ASPA: variants seen among roughly 807,000 people sequenced by gnomAD.
The protein encoded by ASPA is aspartoacylase.
In ASPA, 25 loss-of-function variants were observed where a neutral mutation model predicts 29.6. The observed-to-expected ratio is 0.85, with a 90% CI of 0.62 to 1.18. ASPA has a LOEUF of 1.18. Among genes scored for constraint, ASPA ranks in the 50% most tolerant of loss-of-function variants. The probability of loss-of-function intolerance (pLI) is 0.00; values close to 1 mark genes in which losing one functional copy is unlikely to be tolerated. For missense variants in ASPA, 333 were observed against 385.7 expected (o/e 0.86, Z 1.14); for synonymous variants, 131 against 130.3 (o/e 1.01, Z -0.04).
Position 3,502,334 on chromosome 17 carries a change from G to C in ASPA, c.*3246G>C, listed in dbSNP as rs972380670. ...CGTACTGGAAAATCAAAAAATATGTGTGGCTCATCTGTTATAATGTTTGTT... is the reference window on the plus strand; with the variant it reads ...CGTACTGGAAAATCAAAAAATATGTCTGGCTCATCTGTTATAATGTTTGTT... On this transcript the variant is annotated 3_prime_UTR_variant, in exon 6 of 6. Transcript: ENST00000263080. The C allele has an allele frequency of 1.3e-5, 2 of 152,236 alleles. No homozygotes were observed. The highest frequency in any genetic ancestry group is 4.8e-5 in the African/African-American group (2 of 41,456). 9.4% of individuals were successfully genotyped at this position (152,236 alleles called of 1,614,324 possible). A position where few individuals can be genotyped will look rare whatever the true frequency, so the allele number is the denominator to read the frequency against.
chr17:3,489,342 GGTAA>G lies in ASPA; in HGVS notation c.634+5_634+8del, dbSNP rs778693280. On this transcript the variant is annotated splice_donor_variant and splice_donor_region_variant and intron_variant, in intron 4 of 5. Transcript: ENST00000263080. LOFTEE classifies it high-confidence loss of function. Reference sequence around the variant, plus strand: ...TGATTTTATACATCATTTCAATGAAGGTAAGTAATAATGAAGGTAACGTTATCAA... The same window carrying G: ...TGATTTTATACATCATTTCAATGAAGGTAATAATGAAGGTAACGTTATCAA... 1.0e-5 allele frequency: 16 copies of G among 1,590,038 alleles called. No homozygotes were observed. Among genetic ancestry groups the G allele is most frequent in the Middle Eastern group, 3.4e-4 (2 of 5,932 alleles).
rs104894552 is a variant in ASPA at position 3,498,892 on chromosome 17, A to T, written c.746A>T (p.Asp249Val). The part of the protein sequence containing the change: ...IAAIIHPNLQ[D>V]QDWKPLHPGD... ...TTTATTTTGATTGTTTCCTGAGAGG[A>T]TCAAGACTGGAAACCACTGCATCCT... The change falls in exon 6 of 6, where the codon GAT (aspartate) becomes GTT (valine). Residue 249 changes from aspartate (D) to valine (V), a missense_variant and splice_region_variant. Coordinates refer to ENST00000263080, the MANE Select transcript of ASPA (RefSeq NM_000049.4). 29 of 1,576,364 alleles carry T rather than the reference A, an allele frequency of 1.8e-5. No individual in the cohort carries two copies. Among genetic ancestry groups the T allele is most frequent in the Non-Finnish European group, 1.8e-5 (21 of 1,162,938 alleles).
intron 5 of ASPA, among the ~76,000 whole-genome samples, chr17:3,497,416 A>C (rs752393819): frequency 2.6e-5 from 4 of 152,228 alleles, no homozygotes; most frequent in Non-Finnish European, 4.4e-5. Flanking sequence ...GGCTGAAAGA[A>C]GCACGTATCC....
Position 3,481,669 on chromosome 17 carries a change from T to C in ASPA, c.303T>C (p.Gly101=), listed in dbSNP as rs999563868. The C allele has an allele frequency of 1.9e-6, 3 of 1,613,916 alleles. No homozygotes were observed. The highest frequency in any genetic ancestry group is 2.5e-6 in the Non-Finnish European group (3 of 1,179,928). ...RRAQEINHLF[G]PKDSEDSYDI... is the part of the protein sequence containing the mutation. ...CTCAAGAAATAAATCATTTATTTGGTCCAAAAGACAGTGAAGATTCCTATG... is the reference window on the plus strand; with the variant it reads ...CTCAAGAAATAAATCATTTATTTGGCCCAAAAGACAGTGAAGATTCCTATG... The change falls in exon 2 of 6, where the codon GGT becomes GGC. Residue 101 remains glycine (G), a synonymous_variant. Transcript: ENST00000263080.
chr17:3,499,285 T>C lies in ASPA; in HGVS notation c.*197T>C. 1 of 492,542 alleles carries C rather than the reference T, an allele frequency of 2.0e-6. No homozygotes were observed. The highest frequency in any genetic ancestry group is 3.5e-6 in the Non-Finnish European group (1 of 285,536). The allele number at this position is 492,542 out of a possible 1,614,324, so 30.5% of individuals were successfully genotyped here. A position where few individuals can be genotyped will look rare whatever the true frequency, so the allele number is the denominator to read the frequency against. On this transcript the variant is annotated 3_prime_UTR_variant, in exon 6 of 6. Coordinates refer to ENST00000263080, the MANE Select transcript of ASPA (RefSeq NM_000049.4). ...TATCATATTTTATGTATGTAGCTTA[T>C]TCAAAGAAGTGTTTCCTATTTCTAT...
chr17:3,476,116 C>G lies in ASPA; in HGVS notation c.-44C>G. 1.3e-6 allele frequency: 2 copies of G among 1,557,642 alleles called. No individual in the cohort carries two copies. Among genetic ancestry groups the G allele is most frequent in the Non-Finnish European group, 1.8e-6 (2 of 1,130,886 alleles). On this transcript the variant is annotated 5_prime_UTR_variant, in exon 1 of 6. In the 5' UTR this introduces an upstream ATG that the reference lacks. Coordinates refer to ENST00000263080, the MANE Select transcript of ASPA (RefSeq NM_000049.4). ...TTAAGAAAATCGAATTTCCTTTGAT[C>G]TCTCTTCTGAATTGCAGAAATCAGA...
intron 1 of ASPA, among the ~76,000 whole-genome samples, chr17:3,478,825 C>T (rs2073578474): frequency 6.6e-6 from 1 of 152,260 alleles, no homozygotes; most frequent in African/African-American, 2.4e-5. Flanking sequence ...CATTATCCAC[C>T]AAGTCCCCTG....
chr17:3,494,352 A>AAAG lies in ASPA; in HGVS notation c.640_642dup (p.Glu214dup). On this transcript the variant is annotated inframe_insertion, in exon 5 of 6. Transcript: ENST00000263080. Reference sequence around the variant, plus strand: ...GATACATATTGTTTTTGTCATAGGAAAAGAATTTCCTCCCTGCGCCATTGA... The same window carrying AAAG: ...GATACATATTGTTTTTGTCATAGGAAAAGAAGAATTTCCTCCCTGCGCCATTGA... 6.2e-7 allele frequency: 1 copy of AAAG among 1,605,668 alleles called. No individual in the cohort carries two copies. Among genetic ancestry groups the AAAG allele is most frequent in the Non-Finnish European group, 8.5e-7 (1 of 1,172,318 alleles).
At position 3,483,585 on chromosome 17, in the gene ASPA, T is replaced by G; in HGVS notation, c.519T>G (p.Tyr173Ter). The change falls in exon 3 of 6, where the codon TAT becomes TAG. Residue 173 changes from tyrosine to a stop codon, truncating the protein, a stop_gained. Coordinates refer to ENST00000263080, the MANE Select transcript of ASPA (RefSeq NM_000049.4). LOFTEE classifies it high-confidence loss of function. ...CGACCACTCGTTCCATAGCCAAGTATCCTGTGGGTAAGTCATAGTTCCCAC... is the reference window on the plus strand; with the variant it reads ...CGACCACTCGTTCCATAGCCAAGTAGCCTGTGGGTAAGTCATAGTTCCCAC... ...KYATTRSIAK[Y>*]PVGIEVGPQP... 1 of 1,612,322 alleles carries G rather than the reference T, an allele frequency of 6.2e-7. No homozygotes were observed. The highest frequency in any genetic ancestry group is 1.1e-5 in the South Asian group (1 of 91,058).
At position 3,476,402 on chromosome 17, in the gene ASPA, C is replaced by G. The variant is rs1162798110; in HGVS notation, c.236+7C>G. The G allele has an allele frequency of 6.2e-7, 1 of 1,611,554 alleles. No individual in the cohort carries two copies. Among genetic ancestry groups the G allele is most frequent in the South Asian group, 1.1e-5 (1 of 91,028 alleles). ...TTGACCTTGAAAATCTTGGGTAAGA[C>G]TATGCTTTGTATTGTATATGTATGT... On this transcript the variant is annotated splice_region_variant and intron_variant, in intron 1 of 5. Coordinates refer to ENST00000263080, the MANE Select transcript of ASPA (RefSeq NM_000049.4).
In ASPA at chr17:3,485,955, G is replaced by A. The variant is rs971415191; in HGVS notation, c.526+2363G>A. Among the ~76,000 whole-genome samples the A allele has an allele frequency of 1.4e-5, 2 of 144,654 alleles. No homozygotes were observed. Among genetic ancestry groups the A allele is most frequent in the East Asian group, 2.1e-4 (1 of 4,720 alleles). The allele number at this position is 144,654 out of a possible 152,430, so 94.9% of individuals were successfully genotyped here. The stretch of plus-strand genomic sequence containing the variant: ...GAACCTTTTTTTTTTTTTTTGAGAC[G>A]GAGTTTCGCTCTTGTTGCCAAGGCT... On this transcript the variant is annotated intron_variant, in intron 3 of 5. Coordinates refer to ENST00000263080, the MANE Select transcript of ASPA (RefSeq NM_000049.4). The surrounding 1 kb of genome is among the most constrained non-coding windows in gnomAD (Gnocchi z 4.4).
intron 2 of ASPA, among the ~76,000 whole-genome samples, chr17:3,483,133 ATTGT>A (rs2073662925): frequency 6.6e-6 from 1 of 152,090 alleles, no homozygotes; most frequent in Non-Finnish European, 1.5e-5. Context: ...TAGAAACAGA[ATTGT>A]TTAAGAGACC....
rs181347986 is a variant in ASPA, at chr17:3,481,697, A to C, written c.331A>C (p.Ile111Leu). The change falls in exon 2 of 6, where the codon ATT (isoleucine) becomes CTT (leucine). Residue 111 changes from isoleucine to leucine, a missense_variant. By Grantham distance (5) the Ile-to-Leu change is conservative. Coordinates refer to ENST00000263080, the MANE Select transcript of ASPA (RefSeq NM_000049.4). ...AAAAGACAGTGAAGATTCCTATGAC[A>C]TTATTTTTGACCTTCACAACACCAC... ...GPKDSEDSYDIIFDLHNTTSN... is the reference protein window; with the variant it reads ...GPKDSEDSYDLIFDLHNTTSN... 1.5e-5 allele frequency: 25 copies of C among 1,613,886 alleles called. No homozygotes were observed. The highest frequency in any genetic ancestry group is 2.1e-5 in the Non-Finnish European group (25 of 1,179,870).
At position 3,499,341 on chromosome 17, in the gene ASPA, T is replaced by C; in HGVS notation, c.*253T>C. 3.2e-6 allele frequency: 1 copy of C among 311,026 alleles called. No homozygotes were observed. Among genetic ancestry groups the C allele is most frequent in the Non-Finnish European group, 5.8e-6 (1 of 172,592 alleles). The allele number at this position is 311,026 out of a possible 1,614,324, so 19.3% of individuals were successfully genotyped here. ...TTATTATACATGATACTTGGGTAGCTCAACATTCTTAATAAACAGCCTTTG... is the reference window on the plus strand; with the variant it reads ...TTATTATACATGATACTTGGGTAGCCCAACATTCTTAATAAACAGCCTTTG... On this transcript the variant is annotated 3_prime_UTR_variant, in exon 6 of 6. Transcript: ENST00000263080.
Position 3,485,603 on chromosome 17 carries a change from T to A in ASPA, c.526+2011T>A, listed in dbSNP as rs748435506. Among the ~76,000 whole-genome samples the A allele has an allele frequency of 6.6e-6, 1 of 152,198 alleles. No individual in the cohort carries two copies. The highest frequency in any genetic ancestry group is 2.4e-5 in the African/African-American group (1 of 41,440). Reference sequence around the variant, plus strand: ...TCCGGAGTGATCAGATTTGACTGGATCAGAAAGGCAAGGGATCTGTTTCTC... The same window carrying A: ...TCCGGAGTGATCAGATTTGACTGGAACAGAAAGGCAAGGGATCTGTTTCTC... On this transcript the variant is annotated intron_variant, in intron 3 of 5. Coordinates refer to ENST00000263080, the MANE Select transcript of ASPA (RefSeq NM_000049.4). The surrounding 1 kb of genome is among the most constrained non-coding windows in gnomAD (Gnocchi z 4.4).
Position 3,489,281 on chromosome 17 carries a change from C to A in ASPA, c.573C>A (p.Ile191=). ...PQPQGVLRAD[I]LDQMRKMIKH... ...CTCAAGGGGTTCTGAGAGCTGATATCTTGGATCAAATGAGAAAAATGATTA... is the reference window on the plus strand; with the variant it reads ...CTCAAGGGGTTCTGAGAGCTGATATATTGGATCAAATGAGAAAAATGATTA... The change falls in exon 4 of 6, where the codon ATC becomes ATA. Residue 191 remains isoleucine (I), a synonymous_variant. Coordinates refer to ENST00000263080, the MANE Select transcript of ASPA (RefSeq NM_000049.4). 3 of 1,613,166 alleles carry A rather than the reference C, an allele frequency of 1.9e-6. No individual in the cohort carries two copies. Among genetic ancestry groups the A allele is most frequent in the Non-Finnish European group, 2.5e-6 (3 of 1,179,746 alleles).
chr17:3,476,292 G>C lies in ASPA; in HGVS notation c.133G>C (p.Gly45Arg). Residue 45 changes from glycine (G) to arginine (R), a missense_variant, in exon 1 of 6, where the codon GGG (glycine) becomes CGG (arginine). Transcript: ENST00000263080. ...LENGAEIQRTGLEVKPFITNP... is the reference protein window; with the variant it reads ...LENGAEIQRTRLEVKPFITNP... The stretch of plus-strand genomic sequence containing the variant: ...GAATGGCGCTGAGATTCAGAGAACA[G>C]GGCTGGAGGTAAAACCATTTATTAC... 3 of 1,614,170 alleles carry C rather than the reference G, an allele frequency of 1.9e-6. No homozygotes were observed.
chr17:3,480,438 T>A (rs1401144840), intron 1 of ASPA, among the ~76,000 whole-genome samples: 1 of 152,084 alleles, frequency 6.6e-6, no homozygotes, highest in Non-Finnish European at 1.5e-5. Context: ...TCATAGGGAG[T>A]TGGAGCTGTC....
intron 3 of ASPA, among the ~76,000 whole-genome samples, chr17:3,487,815 A>T (rs2073754092): frequency 6.6e-6 from 1 of 152,234 alleles, no homozygotes. Context: ...GGATTCTATT[A>T]GAAACAGGAG....
Sources: gnomAD v4.1 joint callset for allele counts (sites outside exome capture counted in the v4.1 genomes callset) on GRCh38, gnomAD v4.1.1 for gene constraint, Gnocchi (gnomAD v3.1) non-coding constraint, MANE v1.5 for transcripts, NCBI Gene and HGNC (gene_info 2026-07-23, HGNC 2026-07-21) for gene names.